Variants in TRIQK observed in about 807,000 individuals in gnomAD.
The protein encoded by TRIQK is triple QxxK/R motif-containing protein.
A neutral mutation model predicts 10.8 loss-of-function variants in TRIQK; 10 were observed. That is an observed-to-expected ratio of 0.92 (90% confidence interval 0.57 to 1.57). The LOEUF (loss-of-function observed/expected upper bound fraction) is 1.57. Among genes scored for constraint, TRIQK ranks in the 40% most tolerant of loss-of-function variants. TRIQK has a pLI of 0.00. For synonymous variants in TRIQK, 33 were observed against 33.7 expected (o/e 0.98, Z 0.07); for missense variants, 107 against 97.7 (o/e 1.09, Z -0.40).
At chr8:92,910,678 A>G (rs938886487) in intron 3 of TRIQK, among the ~76,000 whole-genome samples, 6 of 151,192 alleles carry the variant, frequency 4.0e-5, no homozygotes, top group African/African-American at 1.4e-4. Flanking sequence ...GTATTTTACC[A>G]ATATTAATAT....
At chr8:92,944,268 A>G (rs1431876377) in intron 2 of TRIQK, among the ~76,000 whole-genome samples, 1 of 151,004 alleles carries the variant, frequency 6.6e-6, no homozygotes, top group East Asian at 2.0e-4. Context: ...AATGTAAATT[A>G]GTACAGCCAT....
intron 2 of TRIQK, among the ~76,000 whole-genome samples, chr8:92,949,816 AAGAAAGAAAGAAAGAAAG>A (rs967345937): frequency 4.9e-5 from 7 of 143,502 alleles, no homozygotes; most frequent in Admixed American, 1.4e-4. Context: ...GAAAGAAAGA[AAGAAAGAAAGAAAGAAAG>A]AAAGAAAGGG....
intron 1 of TRIQK, chr8:92,960,808 A>T (rs279976): frequency 0.39 from 59,764 of 152,028 alleles, 12,391 homozygotes; most frequent in South Asian, 0.47. Context: ...GCCCAAAGTG[A>T]CCTATATCAG....
At chr8:92,890,827 A>G (rs1157466862) in intron 4 of TRIQK, among the ~76,000 whole-genome samples, 1 of 151,940 alleles carries the variant, frequency 6.6e-6, no homozygotes, top group Admixed American at 6.6e-5. Flanking sequence ...TTCTCGCTTT[A>G]AGAAATGATC....
At chr8:92,947,373 G>A (rs574133403) in intron 2 of TRIQK, among the ~76,000 whole-genome samples, 16 of 151,014 alleles carry the variant, frequency 1.1e-4, no homozygotes, top group South Asian at 2.1e-4. Flanking sequence ...ACCTGAGGTC[G>A]GGAGTTCGAG....
chr8:92,934,277 C>G (rs1263405857), intron 2 of TRIQK, among the ~76,000 whole-genome samples: 5 of 151,912 alleles, frequency 3.3e-5, no homozygotes, highest in Non-Finnish European at 7.4e-5. Flanking sequence ...CCTTCTTACA[C>G]AATTGCTAAA....
intron 2 of TRIQK, among the ~76,000 whole-genome samples, chr8:92,952,062 A>G (rs1811938658): frequency 6.6e-6 from 1 of 152,000 alleles, no homozygotes; most frequent in Admixed American, 6.6e-5. Flanking sequence ...AGAAAAAATT[A>G]CAAGGCATAC....
At chr8:92,964,834 A>G (rs1812652167) in intron 1 of TRIQK, 2 of 152,160 alleles carry the variant, frequency 1.3e-5, no homozygotes, top group African/African-American at 2.4e-5. Flanking sequence ...ACAGATAACG[A>G]AACAATTATT....
intron 2 of TRIQK, chr8:92,922,368 A>G (rs1200774864): frequency 6.6e-6 from 1 of 151,816 alleles, no homozygotes; most frequent in Non-Finnish European, 1.5e-5. Flanking sequence ...ATACCACTCC[A>G]TTTTAGGAGA....
chr8:92,956,391 A>G (rs1440729492), intron 1 of TRIQK, among the ~76,000 whole-genome samples: 3 of 151,800 alleles, frequency 2.0e-5, no homozygotes, highest in Non-Finnish European at 4.4e-5. Flanking sequence ...GTGCAGAGGC[A>G]GAAGGAATGG....
rs1813157390 is a variant in TRIQK, at chr8:92,996,930, C to T, written c.-181+20679G>A. ...AGGAAGTAAAGAATGGGAGAATCAC[C>T]TCAGTGAAGTGGGGAGTAATCAATA... On this transcript the variant is annotated intron_variant, in intron 1 of 4. Coordinates refer to the TRIQK transcript ENST00000520686. Among the ~76,000 whole-genome samples, 5 of 151,734 alleles carry T rather than the reference C, an allele frequency of 3.3e-5. 1 individual carries two copies. The South Asian group carries it at 1.0e-3, about 31-fold the overall frequency.
chr8:92,925,471 A>C (rs1359804273), intron 2 of TRIQK, among the ~76,000 whole-genome samples: 1 of 152,180 alleles, frequency 6.6e-6, no homozygotes, highest in African/African-American at 2.4e-5. Context: ...TAGTATTCAT[A>C]ACATATGTAT....
intron 1 of TRIQK, among the ~76,000 whole-genome samples, chr8:93,016,036 A>G (rs1813382067): frequency 6.6e-6 from 1 of 152,206 alleles, no homozygotes; most frequent in African/African-American, 2.4e-5. Context: ...ATGTATGTTA[A>G]AAACATCCTA....
intron 1 of TRIQK, among the ~76,000 whole-genome samples, chr8:93,014,602 C>T (rs1813366233): frequency 6.6e-6 from 1 of 152,000 alleles, no homozygotes; most frequent in Non-Finnish European, 1.5e-5. Context: ...AACCAAATGA[C>T]ATCATAAAAA....
At chr8:92,946,532 A>C (rs1036978075) in intron 2 of TRIQK, among the ~76,000 whole-genome samples, 5 of 152,094 alleles carry the variant, frequency 3.3e-5, no homozygotes, top group African/African-American at 1.2e-4. Flanking sequence ...ACTACTCTGA[A>C]CCCCTGTCTT....
chr8:92,993,196 C>T (rs1479132370), intron 1 of TRIQK, among the ~76,000 whole-genome samples: 16 of 152,126 alleles, frequency 1.1e-4, no homozygotes, highest in Admixed American at 1.0e-3. Context: ...TTCAGCTTTC[C>T]CCAATCAACA....
intron 2 of TRIQK, among the ~76,000 whole-genome samples, chr8:92,935,380 G>A (rs1049611005): frequency 1.3e-5 from 2 of 151,690 alleles, no homozygotes; most frequent in African/African-American, 2.4e-5. Context: ...GGTTAAAAGC[G>A]TGTTCATTCT....
intron 1 of TRIQK, among the ~76,000 whole-genome samples, chr8:92,989,330 AGTCC>A (rs777265140): frequency 2.6e-5 from 4 of 152,198 alleles, no homozygotes; most frequent in Non-Finnish European, 5.9e-5. Flanking sequence ...GACTAGTACC[AGTCC>A]GTGATCTTTT....
At chr8:92,968,146 G>T (rs896916302), upstream of TRIQK, among the ~76,000 whole-genome samples, 7 of 152,104 alleles carry the variant, frequency 4.6e-5, no homozygotes, top group African/African-American at 1.7e-4. Context: ...AATATAATTG[G>T]CTGCATAGTA....
Sources: gnomAD v4.1 joint callset for allele counts (sites outside exome capture counted in the v4.1 genomes callset) on GRCh38, gnomAD v4.1.1 for gene constraint, MANE v1.5 for transcripts, NCBI Gene and HGNC (gene_info 2026-07-23, HGNC 2026-07-21) for gene names.